Variants in ANO5 observed in about 807,000 individuals in gnomAD.
The protein encoded by ANO5 is anoctamin-5.
A neutral mutation model predicts 121.0 loss-of-function variants in ANO5; 109 were observed. The ratio of observed to expected loss-of-function variants is 0.90; its 90% CI spans 0.77 to 1.06. The LOEUF (loss-of-function observed/expected upper bound fraction) is 1.06, where lower values mean the gene tolerates loss of function less well. ANO5 is among the 50% of genes least tolerant of loss of function. ANO5 has a pLI of 0.00. For synonymous variants in ANO5, 406 were observed against 359.9 expected, an observed-to-expected ratio of 1.13 and a Z score of -1.45; for missense variants, 1,064 against 1,078.5, an observed-to-expected ratio of 0.99 and a Z score of 0.19.
At position 22,279,860 on chromosome 11, in the gene ANO5, C is replaced by G. The variant is rs1461558481; in HGVS notation, c.*95C>G. The stretch of plus-strand genomic sequence containing the variant: ...CCAGAAGCCATGTGTCAATTTTACC[C>G]TTTCTTTTTTTTTTTTTTCTTTTTT... On this transcript the variant is annotated 3_prime_UTR_variant, in exon 22 of 22. Coordinates refer to ENST00000324559, the MANE Select transcript of ANO5 (RefSeq NM_213599.3). The G allele has an allele frequency of 3.0e-6, 3 of 1,006,174 alleles. No homozygotes were observed. Among genetic ancestry groups the G allele is most frequent in the Non-Finnish European group, 4.1e-6 (3 of 730,216 alleles). The allele number at this position is 1,006,174 out of a possible 1,614,324, so 62.3% of individuals were successfully genotyped here.
rs1852123217 is a variant in ANO5 at position 22,206,398 on chromosome 11, C to T, written c.87+2548C>T. On this transcript the variant is annotated intron_variant, in intron 2 of 21. Transcript: ENST00000324559. ...GTGGCACGATCTTGGCTCACTGCAA[C>T]CTCCACCTCCCAGGTTTAAGTGATT... 2.0e-5 allele frequency among the ~76,000 whole-genome samples: 3 copies of T among 152,030 alleles called. No individual in the cohort carries two copies. In the South Asian group the frequency reaches 6.2e-4, roughly 32 times the overall value.
chr11:22,258,162 C>T (rs142055041), intron 14 of ANO5, among the ~76,000 whole-genome samples: 1 of 152,216 alleles, frequency 6.6e-6, no homozygotes, highest in East Asian at 1.9e-4. Context: ...TAACACTTAG[C>T]ATCTAATTTT....
chr11:22,277,393 T>G (rs1590337011), intron 21 of ANO5, among the ~76,000 whole-genome samples: 1 of 151,654 alleles, frequency 6.6e-6, no homozygotes, highest in East Asian at 1.9e-4. Context: ...CAGAAATATT[T>G]AAGTGTTTGA....
intron 14 of ANO5, among the ~76,000 whole-genome samples, chr11:22,258,547 T>G (rs1854077822): frequency 6.6e-6 from 1 of 152,244 alleles, no homozygotes; most frequent in Non-Finnish European, 1.5e-5. Flanking sequence ...GAAAGCCATC[T>G]TTGTGCTTTT....
At chr11:22,216,898 AC>A (rs1852464166) in intron 3 of ANO5, among the ~76,000 whole-genome samples, 1 of 151,878 alleles carries the variant, frequency 6.6e-6, no homozygotes, top group Non-Finnish European at 1.5e-5. Flanking sequence ...ATTTTTCTTA[AC>A]AATTCTTTAA....
At chr11:22,249,645 C>T (rs964277992) in intron 9 of ANO5, among the ~76,000 whole-genome samples, 3 of 152,096 alleles carry the variant, frequency 2.0e-5, no homozygotes, top group African/African-American at 7.2e-5. Flanking sequence ...AAACCAAGAG[C>T]TAGGCTGCAT....
intron 1 of ANO5, among the ~76,000 whole-genome samples, chr11:22,196,222 T>G (rs1196118341): frequency 6.6e-6 from 1 of 152,214 alleles, no homozygotes; most frequent in Non-Finnish European, 1.5e-5. Context: ...ACCTTTGTGC[T>G]GCCTCTTAAC....
At position 22,227,359 on chromosome 11, in the gene ANO5, G is replaced by C. The variant is rs2133611690; in HGVS notation, c.421G>C (p.Val141Leu). The C allele has an allele frequency of 6.2e-7, 1 of 1,613,398 alleles. No homozygotes were observed. Among genetic ancestry groups the C allele is most frequent in the Non-Finnish European group, 8.5e-7 (1 of 1,179,704 alleles). The change falls in exon 7 of 22, where the codon GTT becomes CTT. Residue 141 changes from valine (V) to leucine (L), a missense_variant. Transcript: ENST00000324559. ...GATCCATGCCCCTTGGGAGGTATTAGTTACCTATGCTGAAGTCTTGGGAAT... is the reference window on the plus strand; with the variant it reads ...GATCCATGCCCCTTGGGAGGTATTACTTACCTATGCTGAAGTCTTGGGAAT... Reference protein sequence around the residue: ...VKIHAPWEVLVTYAEVLGIKM... With the variant: ...VKIHAPWEVLLTYAEVLGIKM...
upstream of ANO5, among the ~76,000 whole-genome samples, chr11:22,192,572 G>A (rs1851682454): frequency 6.6e-6 from 1 of 152,218 alleles, no homozygotes; most frequent in Non-Finnish European, 1.5e-5. Context: ...TTAAGGGAGA[G>A]GGACTTTTCC....
At chr11:22,207,603 T>C (rs1852157120) in intron 2 of ANO5, among the ~76,000 whole-genome samples, 5 of 152,118 alleles carry the variant, frequency 3.3e-5, no homozygotes, top group Admixed American at 3.3e-4. Context: ...GTTTGGAAAT[T>C]AGATCTTGGT....
intron 15 of ANO5, among the ~76,000 whole-genome samples, chr11:22,260,044 A>G (rs1175576381): frequency 3.9e-5 from 6 of 152,134 alleles, no homozygotes; most frequent in Non-Finnish European, 8.8e-5. Flanking sequence ...AAGAAAAATA[A>G]TCACTTTACT....
At chr11:22,199,427 C>T (rs1851899737) in intron 1 of ANO5, among the ~76,000 whole-genome samples, 1 of 152,072 alleles carries the variant, frequency 6.6e-6, no homozygotes, top group African/African-American at 2.4e-5. Flanking sequence ...TACATTACTA[C>T]ACCATATAAT....
At chr11:22,194,287 C>T (rs1851742930) in intron 1 of ANO5, among the ~76,000 whole-genome samples, 1 of 152,158 alleles carries the variant, frequency 6.6e-6, no homozygotes, top group Admixed American at 6.5e-5. Flanking sequence ...CCAGTTCCTT[C>T]AATGATATTT....
chr11:22,279,813 C>G lies in ANO5; in HGVS notation c.*48C>G. The G allele has an allele frequency of 6.6e-7, 1 of 1,525,898 alleles. No homozygotes were observed. Among genetic ancestry groups the G allele is most frequent in the South Asian group, 1.1e-5 (1 of 88,522 alleles). 94.5% of individuals were successfully genotyped at this position (1,525,898 alleles called of 1,614,324 possible). A position where few individuals can be genotyped will look rare whatever the true frequency, so the allele number is the denominator to read the frequency against. ...GGTGATCTGCCTTACTTCACTTTATCCTCTGGTTTTAGGGCCAGACGCCAG... is the reference window on the plus strand; with the variant it reads ...GGTGATCTGCCTTACTTCACTTTATGCTCTGGTTTTAGGGCCAGACGCCAG... On this transcript the variant is annotated 3_prime_UTR_variant, in exon 22 of 22. Coordinates refer to ENST00000324559, the MANE Select transcript of ANO5 (RefSeq NM_213599.3).
intron 5 of ANO5, among the ~76,000 whole-genome samples, chr11:22,222,300 G>A (rs533452052): frequency 5.9e-5 from 9 of 151,716 alleles, no homozygotes; most frequent in East Asian, 1.9e-4. Flanking sequence ...ATCACTGTCC[G>A]TCTTTCCAGC....
chr11:22,194,243 A>C (rs1031356493), intron 1 of ANO5, among the ~76,000 whole-genome samples: 11 of 152,202 alleles, frequency 7.2e-5, no homozygotes, highest in African/African-American at 2.7e-4. Context: ...TTTCCTTAAA[A>C]TGCACATACT....
intron 3 of ANO5, among the ~76,000 whole-genome samples, chr11:22,212,819 T>A (rs1486890357): frequency 6.6e-6 from 1 of 150,578 alleles, no homozygotes; most frequent in Admixed American, 6.6e-5. Context: ...TGTCAGGTTT[T>A]GTTTTTTTTT....
chr11:22,274,055 A>G (rs1172796792), intron 19 of ANO5, among the ~76,000 whole-genome samples: 3 of 152,212 alleles, frequency 2.0e-5, no homozygotes, highest in African/African-American at 4.8e-5. Flanking sequence ...GAAAGGATAC[A>G]AAATTATCAT....
At chr11:22,277,766 AT>A (rs1186855594) in intron 21 of ANO5, 2 of 151,122 alleles carry the variant, frequency 1.3e-5, no homozygotes, top group Non-Finnish European at 3.0e-5. Flanking sequence ...ATTTGTGTTA[AT>A]TTTTTGTAAT....
Sources: allele counts gnomAD v4.1 joint callset (sites outside exome capture counted in the v4.1 genomes callset), GRCh38; gene constraint gnomAD v4.1.1; transcripts MANE v1.5; gene names NCBI Gene and HGNC (gene_info 2026-07-23, HGNC 2026-07-21).